Variants in NPAS3 observed in about 807,000 individuals in gnomAD.
The protein encoded by NPAS3 is neuronal PAS domain-containing protein 3.
Under a neutral mutation model 73.1 loss-of-function variants are expected in NPAS3, and 14 were observed. The ratio of observed to expected loss-of-function variants is 0.19; its 90% CI spans 0.13 to 0.30. The LOEUF is 0.30. Ranked by LOEUF, NPAS3 falls within the 10% of genes least tolerant of loss-of-function variation. The pLI, the probability that NPAS3 is intolerant of heterozygous loss-of-function variation, is 1.00. For synonymous variants in NPAS3, 620 were observed against 541.5 expected, an observed-to-expected ratio of 1.14 and a Z score of -2.01; for missense variants, 1,096 against 1,250.0, an observed-to-expected ratio of 0.88 and a Z score of 1.86.
intron 5 of NPAS3, among the ~76,000 whole-genome samples, chr14:33,623,911 AT>A (rs766213434): frequency 2.0e-4 from 30 of 152,224 alleles, no homozygotes; most frequent in Non-Finnish European, 4.1e-4. Flanking sequence ...TTAAAAAGAA[AT>A]GCTAAAAGGA....
At chr14:33,039,451 C>T (rs1953443) in intron 1 of NPAS3, among the ~76,000 whole-genome samples, 24,915 of 152,128 alleles carry the variant, frequency 0.16, 2,348 homozygotes, top group East Asian at 0.29. Flanking sequence ...CTCCCCACCC[C>T]CTCTTGGACT....
chr14:33,264,326 A>G (rs917365664), intron 3 of NPAS3, among the ~76,000 whole-genome samples: 1 of 152,138 alleles, frequency 6.6e-6, no homozygotes, highest in East Asian at 1.9e-4. Flanking sequence ...AATGTAAATG[A>G]TGAGTTAATG....
rs564190028 is a variant in NPAS3 at position 33,296,831 on chromosome 14, A to G, written c.386-70355A>G. Among the ~76,000 whole-genome samples, 31 of 152,298 alleles carry G rather than the reference A, an allele frequency of 2.0e-4. 1 individual carries two copies. Among genetic ancestry groups the G allele is most frequent in the Admixed American group, 1.4e-3 (21 of 15,300 alleles). On this transcript the variant is annotated intron_variant, in intron 3 of 11. Transcript: ENST00000356141. ...TTATGTTTGTTTTCCTGACTAGAAA[A>G]CTGGGAGCTACTTATAGGTGAAAAG...
intron 1 of NPAS3, among the ~76,000 whole-genome samples, chr14:32,961,739 C>T (rs79441631): frequency 1.9e-3 from 292 of 152,212 alleles, no homozygotes; most frequent in Non-Finnish European, 3.1e-3. Context: ...CCCCCAATAA[C>T]CCTCTGAGGA....
chr14:33,703,005 T>C (rs567842256), intron 6 of NPAS3, among the ~76,000 whole-genome samples: 1 of 152,290 alleles, frequency 6.6e-6, no homozygotes, highest in South Asian at 2.1e-4. Context: ...ATTAGGACTT[T>C]TAGTTTAATA....
intron 4 of NPAS3, among the ~76,000 whole-genome samples, chr14:33,532,535 A>T (rs920494655): frequency 3.9e-5 from 6 of 151,998 alleles, no homozygotes; most frequent in Non-Finnish European, 8.8e-5. Context: ...GAAACAGATG[A>T]TTTGTCCAAG....
Position 33,150,077 on chromosome 14 carries a change from G to GT in NPAS3, c.141-65102dup, listed in dbSNP as rs1566612902. ...CTGTGTTAGTTTGCTGAGAATGATG[G>GT]TTTCCAGCTTCATCCATGTCCCTGC... On this transcript the variant is annotated intron_variant, in intron 2 of 11. Transcript: ENST00000356141. Among the ~76,000 whole-genome samples the GT allele has an allele frequency of 9.2e-5, 14 of 152,170 alleles. No homozygotes were observed. In the East Asian group the frequency reaches 2.1e-3, roughly 23 times the overall value.
chr14:33,025,933 A>C (rs2039785806), intron 1 of NPAS3, among the ~76,000 whole-genome samples: 1 of 152,226 alleles, frequency 6.6e-6, no homozygotes, highest in Non-Finnish European at 1.5e-5. Flanking sequence ...GAACTAATAC[A>C]GTTGCCAAGT....
At chr14:33,180,683 C>T (rs1396311567) in intron 2 of NPAS3, among the ~76,000 whole-genome samples, 2 of 150,984 alleles carry the variant, frequency 1.3e-5, no homozygotes, top group South Asian at 2.1e-4. Flanking sequence ...CCTGTAATCC[C>T]AGCTACTCAG....
intron 2 of NPAS3, among the ~76,000 whole-genome samples, chr14:33,080,482 G>A (rs549301834): frequency 1.3e-4 from 20 of 152,290 alleles, no homozygotes; most frequent in Admixed American, 8.5e-4. Flanking sequence ...TAGTAGACAG[G>A]CAAGTAAGTG....
At chr14:33,607,271 C>G (rs1265779919) in intron 5 of NPAS3, among the ~76,000 whole-genome samples, 1 of 152,074 alleles carries the variant, frequency 6.6e-6, no homozygotes, top group South Asian at 2.1e-4. Context: ...ACATTCCAGA[C>G]GTCCATTACT....
intron 2 of NPAS3, among the ~76,000 whole-genome samples, chr14:33,095,337 C>T (rs1054017486): frequency 3.9e-5 from 6 of 152,134 alleles, no homozygotes; most frequent in Non-Finnish European, 1.5e-5. Flanking sequence ...AGGTGGATGA[C>T]AAATGCAGAG....
At chr14:33,378,286 A>G (rs2046390351) in intron 4 of NPAS3, among the ~76,000 whole-genome samples, 1 of 152,156 alleles carries the variant, frequency 6.6e-6, no homozygotes, top group Non-Finnish European at 1.5e-5. Context: ...CAGAGGCTGA[A>G]CCCTAGAAGC....
At chr14:33,644,472 C>T (rs2140199855) in intron 5 of NPAS3, among the ~76,000 whole-genome samples, 1 of 152,328 alleles carries the variant, frequency 6.6e-6, no homozygotes, top group South Asian at 2.1e-4. Context: ...AAGTCAGAAC[C>T]ATGCCTTGGG....
intron 1 of NPAS3, among the ~76,000 whole-genome samples, chr14:32,953,222 T>C (rs1236882222): frequency 6.6e-6 from 1 of 152,168 alleles, no homozygotes; most frequent in African/African-American, 2.4e-5. Flanking sequence ...TAGTATTTTT[T>C]TGTAGAAAGG....
intron 2 of NPAS3, among the ~76,000 whole-genome samples, chr14:33,203,495 C>T (rs898001835): frequency 2.3e-4 from 35 of 152,200 alleles, no homozygotes; most frequent in Non-Finnish European, 3.4e-4. Context: ...CAACAGGCCC[C>T]GGTGTGTGAT....
At chr14:33,409,842 A>G (rs2047841181) in intron 4 of NPAS3, among the ~76,000 whole-genome samples, 1 of 152,200 alleles carries the variant, frequency 6.6e-6, no homozygotes, top group Non-Finnish European at 1.5e-5. Context: ...GAATTATGCT[A>G]AAAAACCCAG....
chr14:33,205,063 G>GCCT (rs1291385078), intron 2 of NPAS3, among the ~76,000 whole-genome samples: 1 of 152,064 alleles, frequency 6.6e-6, no homozygotes, highest in South Asian at 2.1e-4. Flanking sequence ...CAAATAGTTA[G>GCCT]CCTCCACACC....
intron 4 of NPAS3, among the ~76,000 whole-genome samples, chr14:33,488,444 C>G (rs2139789623): frequency 6.6e-6 from 1 of 152,258 alleles, no homozygotes; most frequent in South Asian, 2.1e-4. Context: ...TGCACTAGTT[C>G]TATCAGAGTA....
Sources: allele counts gnomAD v4.1 joint callset (sites outside exome capture counted in the v4.1 genomes callset), GRCh38; gene constraint gnomAD v4.1.1; transcripts MANE v1.5; gene names NCBI Gene and HGNC (gene_info 2026-07-23, HGNC 2026-07-21).